The following LTBP1 variants were observed in gnomAD, a reference collection of about 807,000 sequenced individuals.
The protein encoded by LTBP1 is latent-transforming growth factor beta-binding protein 1.
A neutral mutation model predicts 207.6 loss-of-function variants in LTBP1; 129 were observed. The observed-to-expected ratio is 0.62, with a 90% CI of 0.54 to 0.72. LTBP1 has a LOEUF of 0.72. LTBP1 is among the 30% of genes least tolerant of loss of function. The pLI, the probability that LTBP1 is intolerant of heterozygous loss-of-function variation, is 0.00. For missense variants in LTBP1, 2,281 were observed against 2,217.2 expected (o/e 1.03, Z -0.58); for synonymous variants, 963 against 833.7 (o/e 1.16, Z -2.67).
chr2:33,306,608 T>A (rs778349886), intron 22 of LTBP1, among the ~76,000 whole-genome samples: 5 of 152,006 alleles, frequency 3.3e-5, no homozygotes, highest in Non-Finnish European at 5.9e-5. Flanking sequence ...CAGAGCAACA[T>A]GCTTCCATTA....
At chr2:33,088,467 A>T (rs2078884550) in intron 3 of LTBP1, among the ~76,000 whole-genome samples, 1 of 152,154 alleles carries the variant, frequency 6.6e-6, no homozygotes, top group Admixed American at 6.5e-5. Context: ...AAGAAAAAAA[A>T]AAGGACCAGT....
chr2:32,962,989 A>T (rs1224340924), intron 2 of LTBP1, among the ~76,000 whole-genome samples: 1 of 152,028 alleles, frequency 6.6e-6, no homozygotes, highest in Non-Finnish European at 1.5e-5. Context: ...CCCCCACCCT[A>T]CTGTGATCAC....
chr2:33,160,056 T>G (rs565945883), intron 5 of LTBP1, among the ~76,000 whole-genome samples: 1 of 152,102 alleles, frequency 6.6e-6, no homozygotes, highest in Non-Finnish European at 1.5e-5. Context: ...TTTCTGTATT[T>G]TTGGTAGAGA....
chr2:32,952,213 G>C (rs998268531), intron 2 of LTBP1, among the ~76,000 whole-genome samples: 1 of 152,190 alleles, frequency 6.6e-6, no homozygotes, highest in Non-Finnish European at 1.5e-5. Context: ...ATGATCAAAT[G>C]CTTCTGAAGA....
At chr2:33,360,319 C>T (rs1414543247) in intron 26 of LTBP1, among the ~76,000 whole-genome samples, 1 of 152,172 alleles carries the variant, frequency 6.6e-6, no homozygotes, top group Admixed American at 6.6e-5. Context: ...AAACTCTACT[C>T]ACAGCCAAAT....
intron 10 of LTBP1, among the ~76,000 whole-genome samples, chr2:33,250,144 A>G (rs541080251): frequency 6.6e-6 from 1 of 152,346 alleles, no homozygotes; most frequent in African/African-American, 2.4e-5. Flanking sequence ...GAGATGTTTA[A>G]TAAACAGAAT....
At chr2:33,294,904 G>GT (rs1189269860) in intron 20 of LTBP1, among the ~76,000 whole-genome samples, 2 of 151,008 alleles carry the variant, frequency 1.3e-5, no homozygotes, top group African/African-American at 4.9e-5. Context: ...TTTACTATTT[G>GT]GTTTTTTTTT....
At chr2:33,272,855 G>A (rs1469981402) in intron 15 of LTBP1, among the ~76,000 whole-genome samples, 1 of 152,070 alleles carries the variant, frequency 6.6e-6, no homozygotes, top group Non-Finnish European at 1.5e-5. Context: ...CCCCCTTTGA[G>A]TCCTTGGGTT....
chr2:33,288,210 G>C (rs2093702278), intron 19 of LTBP1, among the ~76,000 whole-genome samples: 1 of 152,124 alleles, frequency 6.6e-6, no homozygotes, highest in Non-Finnish European at 1.5e-5. Flanking sequence ...GTAAATTACT[G>C]CTCCGGGACA....
chr2:33,153,310 T>C (rs1009313672), intron 5 of LTBP1, among the ~76,000 whole-genome samples: 3 of 152,212 alleles, frequency 2.0e-5, no homozygotes, highest in Non-Finnish European at 4.4e-5. Flanking sequence ...CTCTGTATTT[T>C]CCTTGCTTGG....
At chr2:33,050,699 A>G (rs1247010503) in intron 3 of LTBP1, among the ~76,000 whole-genome samples, 1 of 150,696 alleles carries the variant, frequency 6.6e-6, no homozygotes, top group Non-Finnish European at 1.5e-5. Context: ...TCTTTATTCC[A>G]TTCTGGCTTT....
At chr2:33,369,584 G>C (rs2095042891) in intron 31 of LTBP1, among the ~76,000 whole-genome samples, 1 of 152,040 alleles carries the variant, frequency 6.6e-6, no homozygotes. Context: ...TTTTGACAGA[G>C]TCTCGCTCTG....
intron 7 of LTBP1, among the ~76,000 whole-genome samples, chr2:33,203,728 A>G (rs945612808): frequency 6.6e-6 from 1 of 152,158 alleles, no homozygotes; most frequent in African/African-American, 2.4e-5. Context: ...TAATATACCT[A>G]TTAATAATTA....
At chr2:33,119,579 T>C (rs218194) in intron 4 of LTBP1, among the ~76,000 whole-genome samples, 7,664 of 152,216 alleles carry the variant, frequency 0.05, 225 homozygotes, top group Middle Eastern at 0.071. Context: ...ATTTTTGAGA[T>C]GGAGTCTCGC....
intron 5 of LTBP1, among the ~76,000 whole-genome samples, chr2:33,183,113 C>T (rs1274350198): frequency 6.6e-6 from 1 of 152,006 alleles, no homozygotes; most frequent in Non-Finnish European, 1.5e-5. Context: ...TGAGTTTGTA[C>T]AAAACGTTGG....
At chr2:32,965,319 G>A (rs1021230828) in intron 2 of LTBP1, among the ~76,000 whole-genome samples, 4 of 151,994 alleles carry the variant, frequency 2.6e-5, no homozygotes, top group African/African-American at 4.8e-5. Flanking sequence ...TGTTACAATC[G>A]ATGAACCCCT....
intron 3 of LTBP1, among the ~76,000 whole-genome samples, chr2:33,086,669 T>C (rs2078770746): frequency 6.6e-6 from 1 of 152,220 alleles, no homozygotes; most frequent in Non-Finnish European, 1.5e-5. Flanking sequence ...TTCTATAAGC[T>C]TAGTGATGTA....
rs141998797 is a variant in LTBP1, at chr2:33,315,206, G to C, written c.3667G>C (p.Gly1223Arg). 2 of 1,613,610 alleles carry C rather than the reference G, an allele frequency of 1.2e-6. No individual in the cohort carries two copies. The highest frequency in any genetic ancestry group is 1.7e-6 in the Non-Finnish European group (2 of 1,179,846). Residue 1223 changes from glycine (G) to arginine (R), a missense_variant, in exon 24 of 34, where the codon GGT becomes CGT. Around this residue, in one of 3 missense-constraint regions of LTBP1, gnomAD observed 1,671 missense variants for 1,634.8 expected, o/e 1.02. Transcript: ENST00000404816. ...GPQGECLNTEGSFHCVCQQGF... is the reference protein window; with the variant it reads ...GPQGECLNTERSFHCVCQQGF... The stretch of plus-strand genomic sequence containing the variant: ...GCAAGGGGAGTGCCTAAACACAGAG[G>C]GTTCTTTCCATTGTGTCTGCCAGCA...
chr2:33,128,697 C>T, intron 4 of LTBP1, among the ~76,000 whole-genome samples: 1 of 152,178 alleles, frequency 6.6e-6, no homozygotes, highest in Non-Finnish European at 1.5e-5. Flanking sequence ...CTCATTGAAC[C>T]CTCAACAAGT....
Sources: gnomAD v4.1 joint callset for allele counts (sites outside exome capture counted in the v4.1 genomes callset) on GRCh38, gnomAD v4.1.1 for gene constraint, gnomAD v4.1.1 regional missense constraint, MANE v1.5 for transcripts, NCBI Gene and HGNC (gene_info 2026-07-23, HGNC 2026-07-21) for gene names.